The following NAALADL2 variants were observed in gnomAD, a reference collection of about 807,000 sequenced individuals.
The protein encoded by NAALADL2 is inactive N-acetylated-alpha-linked acidic dipeptidase-like protein 2.
In NAALADL2, 76 loss-of-function variants were observed where a neutral mutation model predicts 87.2. The observed-to-expected ratio is 0.87, with a 90% CI of 0.72 to 1.05. The LOEUF (loss-of-function observed/expected upper bound fraction) is 1.05, where lower values mean the gene tolerates loss of function less well. Among genes scored for constraint, NAALADL2 ranks in the 50% least tolerant of loss-of-function variants. NAALADL2 has a pLI of 0.00. For missense variants in NAALADL2, 1,089 were observed against 945.8 expected (o/e 1.15, Z -1.99); for synonymous variants, 354 against 331.0 (o/e 1.07, Z -0.75).
At chr3:175,618,818 C>T (rs1458449699) in intron 10 of NAALADL2, among the ~76,000 whole-genome samples, 1 of 152,150 alleles carries the variant, frequency 6.6e-6, no homozygotes, top group Non-Finnish European at 1.5e-5. Flanking sequence ...GTCACACTTA[C>T]CTACACCGTG....
chr3:175,391,218 A>G (rs1377995043), intron 5 of NAALADL2, among the ~76,000 whole-genome samples: 1 of 152,196 alleles, frequency 6.6e-6, no homozygotes, highest in Admixed American at 6.5e-5. Context: ...CTATAACCAC[A>G]TACCTCATGT....
chr3:175,121,960 C>T (rs1726220517), intron 2 of NAALADL2, among the ~76,000 whole-genome samples: 1 of 151,700 alleles, frequency 6.6e-6, no homozygotes, highest in African/African-American at 2.4e-5. Context: ...TTTTCTTTCC[C>T]GTCCTGTCTT....
At chr3:175,220,629 C>G (rs1743209635) in intron 2 of NAALADL2, among the ~76,000 whole-genome samples, 1 of 151,910 alleles carries the variant, frequency 6.6e-6, no homozygotes, top group Admixed American at 6.6e-5. Flanking sequence ...CAGAGCTGAT[C>G]AAATATATAG....
At chr3:175,423,028 A>AAAAAAAAAAATATATAT (rs1438736874) in intron 5 of NAALADL2, among the ~76,000 whole-genome samples, 53 of 111,232 alleles carry the variant, frequency 4.8e-4, no homozygotes, top group Non-Finnish European at 7.5e-4. Flanking sequence ...GAAAAAAAAA[A>AAAAAAAAAAATATATAT]ATATATATAT....
At chr3:174,557,684 C>T (rs575400241) in intron 2 of NAALADL2, among the ~76,000 whole-genome samples, 14 of 146,740 alleles carry the variant, frequency 9.5e-5, no homozygotes, top group African/African-American at 3.1e-4. Flanking sequence ...CTGGAGGAGT[C>T]TGCACTACTA....
At chr3:175,539,496 A>T (rs1486075082) in intron 9 of NAALADL2, among the ~76,000 whole-genome samples, 2 of 152,052 alleles carry the variant, frequency 1.3e-5, no homozygotes, top group Admixed American at 6.6e-5. Flanking sequence ...TTTTTATTTT[A>T]TTTTAAATTT....
intron 10 of NAALADL2, among the ~76,000 whole-genome samples, chr3:175,580,633 T>C (rs1386887583): frequency 1.3e-5 from 2 of 152,188 alleles, no homozygotes; most frequent in Non-Finnish European, 2.9e-5. Flanking sequence ...ACAAAACTTA[T>C]ATAAAGTCAC....
intron 2 of NAALADL2, among the ~76,000 whole-genome samples, chr3:174,628,610 G>A (rs1721823398): frequency 6.6e-6 from 1 of 151,800 alleles, no homozygotes; most frequent in Non-Finnish European, 1.5e-5. Context: ...TTGCTTTTTG[G>A]TTTATCAAGG....
chr3:174,507,663 C>T (rs1719282878), intron 1 of NAALADL2, among the ~76,000 whole-genome samples: 1 of 151,322 alleles, frequency 6.6e-6, no homozygotes, highest in African/African-American at 2.4e-5. Context: ...AGCAGATAGT[C>T]TTTTATGTCT....
intron 2 of NAALADL2, among the ~76,000 whole-genome samples, chr3:174,706,628 C>T (rs934452797): frequency 1.3e-5 from 2 of 152,152 alleles, no homozygotes; most frequent in East Asian, 1.9e-4. Flanking sequence ...TGTGCAGAAG[C>T]TCTTTAGTTT....
chr3:175,201,087 C>T (rs1330234310), intron 2 of NAALADL2, among the ~76,000 whole-genome samples: 1 of 152,168 alleles, frequency 6.6e-6, no homozygotes, highest in Non-Finnish European at 1.5e-5. Flanking sequence ...TCTTTTCTCT[C>T]TCTAATAACA....
chr3:175,314,505 A>G (rs1758782025), intron 4 of NAALADL2, among the ~76,000 whole-genome samples: 1 of 143,784 alleles, frequency 7.0e-6, no homozygotes, highest in Non-Finnish European at 1.5e-5. Flanking sequence ...ATTTAATTAA[A>G]TGTATTGTGT....
At chr3:175,639,559 A>G (rs770285615) in intron 11 of NAALADL2, among the ~76,000 whole-genome samples, 1 of 151,952 alleles carries the variant, frequency 6.6e-6, no homozygotes, top group Non-Finnish European at 1.5e-5. Context: ...TGACCTCGTG[A>G]TCCGCCCACC....
At chr3:175,302,880 A>G (rs1249401338) in intron 4 of NAALADL2, among the ~76,000 whole-genome samples, 1 of 151,696 alleles carries the variant, frequency 6.6e-6, no homozygotes, top group East Asian at 1.9e-4. Context: ...ATATTTTTTC[A>G]TAAATATTTG....
chr3:175,670,438 A>AATTTACATTAAATGTAAATTTAATAT (rs1733798306), intron 11 of NAALADL2, among the ~76,000 whole-genome samples: 2 of 145,446 alleles, frequency 1.4e-5, no homozygotes, highest in African/African-American at 2.6e-5. Flanking sequence ...ATTTATATTA[A>AATTTACATTAAATGTAAATTTAATAT]ATTTATATTA....
chr3:175,261,305 A>T (rs1334059963), intron 4 of NAALADL2, among the ~76,000 whole-genome samples: 1 of 152,118 alleles, frequency 6.6e-6, no homozygotes, highest in Non-Finnish European at 1.5e-5. Context: ...ATAAAATTCA[A>T]TGAAAGCATT....
Position 175,505,960 on chromosome 3 carries a change from G to A in NAALADL2, c.1653+34202G>A, listed in dbSNP as rs535039388. Among the ~76,000 whole-genome samples, 4 of 152,202 alleles carry A rather than the reference G, an allele frequency of 2.6e-5. No homozygotes were observed. In the East Asian group the frequency reaches 7.7e-4, roughly 29 times the overall value. ...GTTCTGGTGATTGGTATCACTTCAA[G>A]ACCAATCAGAAACATGAACACCCAA... On this transcript the variant is annotated intron_variant, in intron 9 of 13. Coordinates refer to ENST00000454872, the MANE Select transcript of NAALADL2 (RefSeq NM_207015.3).
intron 2 of NAALADL2, among the ~76,000 whole-genome samples, chr3:175,105,713 A>G (rs532768097): frequency 2.0e-5 from 3 of 150,834 alleles, no homozygotes; most frequent in Non-Finnish European, 4.4e-5. Flanking sequence ...AATTTTATCT[A>G]TGTACTCATA....
chr3:175,285,130 T>G (rs550186924), intron 4 of NAALADL2, among the ~76,000 whole-genome samples: 2 of 152,252 alleles, frequency 1.3e-5, no homozygotes, highest in South Asian at 4.1e-4. Context: ...TAATTTTTTA[T>G]AGAAAATAAG....
Sources: gnomAD v4.1 joint callset for allele counts (sites outside exome capture counted in the v4.1 genomes callset) on GRCh38, gnomAD v4.1.1 for gene constraint, MANE v1.5 for transcripts, NCBI Gene and HGNC (gene_info 2026-07-23, HGNC 2026-07-21) for gene names.